Variants in CDH12 observed in about 807,000 individuals in gnomAD.
The protein encoded by CDH12 is cadherin 12, also known as cadherin-12.
CDH12 carries 41 observed loss-of-function variants against 74.1 expected under a neutral mutation model. The observed-to-expected ratio is 0.55, with a 90% CI of 0.43 to 0.72. CDH12 has a LOEUF of 0.72. CDH12 is among the 30% of genes least tolerant of loss of function. CDH12 has a pLI of 0.00. For missense variants in CDH12, 945 were observed against 977.2 expected, an observed-to-expected ratio of 0.97 and a Z score of 0.44; for synonymous variants, 399 against 355.0, an observed-to-expected ratio of 1.12 and a Z score of -1.39.
chr5:22,524,172 C>A (rs1351084123), intron 1 of CDH12, among the ~76,000 whole-genome samples: 1 of 151,858 alleles, frequency 6.6e-6, no homozygotes, highest in Non-Finnish European at 1.5e-5. Flanking sequence ...TTTGTAGAGA[C>A]AGAGTTGCAC....
chr5:22,027,209 G>A (rs1489981342), intron 5 of CDH12, among the ~76,000 whole-genome samples: 6 of 151,918 alleles, frequency 3.9e-5, no homozygotes, highest in Non-Finnish European at 7.4e-5. Flanking sequence ...TGCTGGATTC[G>A]GTTTGCCAGT....
chr5:22,810,940 TATACTTAC>T (rs1427761117), intron 1 of CDH12, among the ~76,000 whole-genome samples: 7 of 148,682 alleles, frequency 4.7e-5, no homozygotes, highest in Non-Finnish European at 7.6e-5. Context: ...TATACACATA[TATACTTAC>T]ATATATACAT....
chr5:21,898,614 A>T (rs1286966996), intron 6 of CDH12, among the ~76,000 whole-genome samples: 2 of 152,082 alleles, frequency 1.3e-5, no homozygotes, highest in East Asian at 3.9e-4. Flanking sequence ...AGGCAGGAGA[A>T]TGGCGTGAAC....
chr5:22,120,630 T>C (rs1580282024), intron 4 of CDH12, among the ~76,000 whole-genome samples: 1 of 152,238 alleles, frequency 6.6e-6, no homozygotes, highest in South Asian at 2.1e-4. Flanking sequence ...AGAACAATGG[T>C]TGTGGAATAA....
chr5:22,504,523 G>A lies in CDH12; in HGVS notation c.-428+747C>T, dbSNP rs575137775. ...TGTCTTTCTGAGTTGTTATATCAAT[G>A]GTTAATCTTAACTGATCTCTGATTA... On this transcript the variant is annotated intron_variant, in intron 2 of 14. Coordinates refer to ENST00000382254, the MANE Select transcript of CDH12 (RefSeq NM_004061.5). Among the ~76,000 whole-genome samples the A allele has an allele frequency of 2.0e-4, 30 of 152,116 alleles. 1 individual carries two copies. The South Asian group carries it at 6.0e-3, about 31-fold the overall frequency.
chr5:22,745,780 G>A (rs1580953189), intron 1 of CDH12, among the ~76,000 whole-genome samples: 1 of 152,110 alleles, frequency 6.6e-6, no homozygotes, highest in African/African-American at 2.4e-5. Flanking sequence ...AGGGTGGGAG[G>A]AAGGAGAGAT....
intron 4 of CDH12, among the ~76,000 whole-genome samples, chr5:22,126,002 G>GT (rs531856691): frequency 4.8e-5 from 7 of 144,472 alleles, no homozygotes; most frequent in Admixed American, 1.4e-4. Flanking sequence ...ATTCATTTTG[G>GT]GGGGGGGACA....
At chr5:22,005,672 A>C (rs1436172647) in intron 5 of CDH12, among the ~76,000 whole-genome samples, 2 of 152,096 alleles carry the variant, frequency 1.3e-5, no homozygotes, top group Non-Finnish European at 2.9e-5. Flanking sequence ...ACTGGACCTT[A>C]ACTTCTATGA....
At chr5:22,184,888 C>T (rs1749846347) in intron 4 of CDH12, among the ~76,000 whole-genome samples, 1 of 152,112 alleles carries the variant, frequency 6.6e-6, no homozygotes, top group African/African-American at 2.4e-5. Context: ...GGTGAAAGTG[C>T]AGGTTTGTTA....
chr5:22,343,449 G>A (rs770974378), intron 3 of CDH12, among the ~76,000 whole-genome samples: 4 of 151,412 alleles, frequency 2.6e-5, no homozygotes, highest in Admixed American at 6.6e-5. Flanking sequence ...ACGGAGTCTC[G>A]CTCTGTCACT....
intron 10 of CDH12, 79 bp from the exon 11 acceptor site, chr5:21,783,573 T>C (rs1746037493): frequency 1.9e-6 from 2 of 1,033,918 alleles, no homozygotes; most frequent in Non-Finnish European, 2.9e-6. Context: ...CTTGACACAG[T>C]TCCTTATTTT....
At position 21,842,336 on chromosome 5, in the gene CDH12, G is replaced by A. The variant is rs201251461; in HGVS notation, c.647-8C>T. The A allele has an allele frequency of 3.8e-6, 6 of 1,568,962 alleles. No homozygotes were observed. The highest frequency in any genetic ancestry group is 5.2e-6 in the Non-Finnish European group (6 of 1,155,266). ...AAGCTGTTCTAATAACACCTTAAGG[G>A]ATAAAAGCAATAATGTAAAATAAAT... On this transcript the variant is annotated splice_region_variant and splice_polypyrimidine_tract_variant and intron_variant, in intron 7 of 14. Coordinates refer to ENST00000382254, the MANE Select transcript of CDH12 (RefSeq NM_004061.5).
At chr5:22,409,052 T>C (rs1001215295) in intron 2 of CDH12, among the ~76,000 whole-genome samples, 8 of 152,062 alleles carry the variant, frequency 5.3e-5, no homozygotes, top group African/African-American at 1.4e-4. Flanking sequence ...TATCTACATA[T>C]ACAGCAAAAT....
At chr5:22,820,190 T>C (rs539705352) in intron 1 of CDH12, among the ~76,000 whole-genome samples, 12 of 151,914 alleles carry the variant, frequency 7.9e-5, no homozygotes, top group Admixed American at 2.6e-4. Flanking sequence ...TTAAAAATAA[T>C]TGGAGTTCCA....
chr5:22,705,499 GCACA>G (rs5866587), intron 1 of CDH12, among the ~76,000 whole-genome samples: 33 of 143,600 alleles, frequency 2.3e-4, no homozygotes, highest in South Asian at 4.5e-4. Flanking sequence ...CAACACACAT[GCACA>G]CACACACACA....
At chr5:22,637,014 T>C (rs1738875415) in intron 1 of CDH12, among the ~76,000 whole-genome samples, 1 of 152,200 alleles carries the variant, frequency 6.6e-6, no homozygotes, top group South Asian at 2.1e-4. Context: ...TAATGTTATC[T>C]ATAGTACATG....
At chr5:22,198,137 T>G (rs773934640) in intron 4 of CDH12, among the ~76,000 whole-genome samples, 1 of 152,236 alleles carries the variant, frequency 6.6e-6, no homozygotes. Flanking sequence ...TAAAATATCA[T>G]AGTGTGCGTC....
At chr5:22,652,385 G>A (rs1739790298) in intron 1 of CDH12, among the ~76,000 whole-genome samples, 1 of 152,088 alleles carries the variant, frequency 6.6e-6, no homozygotes, top group Admixed American at 6.6e-5. Context: ...CAAGGACTTA[G>A]CATGTCACCA....
intron 1 of CDH12, among the ~76,000 whole-genome samples, chr5:22,782,012 G>A (rs933996731): frequency 6.6e-6 from 1 of 152,040 alleles, no homozygotes; most frequent in East Asian, 1.9e-4. Flanking sequence ...ATTTGGAATG[G>A]GAACATTCCC....
Sources: allele counts gnomAD v4.1 joint callset (sites outside exome capture counted in the v4.1 genomes callset), GRCh38; gene constraint gnomAD v4.1.1; transcripts MANE v1.5; gene names NCBI Gene and HGNC (gene_info 2026-07-23, HGNC 2026-07-21).